PDXDC1: variants seen among roughly 807,000 people sequenced by gnomAD.
PDXDC1 encodes the protein pyridoxal-dependent decarboxylase domain-containing protein 1.
A neutral mutation model predicts 100.1 loss-of-function variants in PDXDC1; 42 were observed. The ratio of observed to expected loss-of-function variants is 0.42; its 90% CI spans 0.33 to 0.54. The LOEUF is 0.54. PDXDC1 is among the 20% of genes least tolerant of loss of function. The pLI is 0.10. For synonymous variants in PDXDC1, 260 were observed against 371.7 expected (o/e 0.70, Z 3.46); for missense variants, 636 against 979.2 (o/e 0.65, Z 4.68).
At chr16:15,141,913 C>A (rs1176078726), downstream of PDXDC1, among the ~76,000 whole-genome samples, 1 of 152,184 alleles carries the variant, frequency 6.6e-6, no homozygotes, top group Non-Finnish European at 1.5e-5. Context: ...TTTTCAGCGG[C>A]TGCGGCGGCA....
downstream of PDXDC1, among the ~76,000 whole-genome samples, chr16:15,142,521 G>A (rs570149938): frequency 8.8e-4 from 133 of 151,972 alleles, no homozygotes; most frequent in African/African-American, 2.9e-3. Flanking sequence ...CCCAGGGTGT[G>A]GAAGCGTCTG....
chr16:15,060,220 A>G (rs911694391), intron 16 of PDXDC1: 1 of 373,066 alleles, frequency 2.7e-6, no homozygotes, highest in East Asian at 8.6e-5. Context: ...ATTTCTGGGG[A>G]ATTTCGTTTA....
downstream of PDXDC1, among the ~76,000 whole-genome samples, chr16:15,142,087 C>T (rs1391917478): frequency 6.6e-6 from 1 of 152,140 alleles, no homozygotes; most frequent in Non-Finnish European, 1.5e-5. Flanking sequence ...GGGAGCAGCT[C>T]CCACCCAGGC....
Position 15,038,073 on chromosome 16 carries a change from A to T in PDXDC1, c.*1798A>T, listed in dbSNP as rs778222638. 23 of 1,603,252 alleles carry T rather than the reference A, an allele frequency of 1.4e-5. No individual in the cohort carries two copies. Among genetic ancestry groups the T allele is most frequent in the African/African-American group, 6.7e-5 (5 of 74,576 alleles). ...AGATCTTTTCCCACAAGCCATCTTC[A>T]TTTTTTTTGTAGAGTAGGGCTTTAT... On this transcript the variant is annotated 3_prime_UTR_variant, in exon 23 of 23. Transcript: ENST00000396410.
chr16:14,983,572 C>CAAAAAAAA (rs56258905), intron 1 of PDXDC1, among the ~76,000 whole-genome samples: 1 of 88,408 alleles, frequency 1.1e-5, no homozygotes, highest in Non-Finnish European at 1.9e-5. Context: ...GACTCCGTCT[C>CAAAAAAAA]AAAAAAAAAA....
At chr16:15,035,890 C>T (rs1047386058) in intron 22 of PDXDC1, 126 bp from the exon 23 acceptor site, 4 of 1,033,566 alleles carry the variant, frequency 3.9e-6, no homozygotes, top group Non-Finnish European at 5.7e-6. Flanking sequence ...TAAAACACCT[C>T]AGAGCCAGTA....
At chr16:15,038,421 T>A, downstream of PDXDC1, 1 of 623,810 alleles carries the variant, frequency 1.6e-6, no homozygotes, top group Non-Finnish European at 2.8e-6. Context: ...CCCCATTTGA[T>A]ATACAAGTTA....
At chr16:14,993,678 A>T (rs901177684) in intron 1 of PDXDC1, among the ~76,000 whole-genome samples, 3 of 152,302 alleles carry the variant, frequency 2.0e-5, no homozygotes, top group Admixed American at 1.3e-4. Flanking sequence ...TGGCTGGATC[A>T]AATGGTATTT....
chr16:15,060,919 G>A (rs1484081524), intron 16 of PDXDC1: 1 of 152,210 alleles, frequency 6.6e-6, no homozygotes. Flanking sequence ...AGATCTAAGG[G>A]GACACTTGAG....
chr16:15,143,784 C>A (rs902397153), downstream of PDXDC1, among the ~76,000 whole-genome samples: 1 of 152,224 alleles, frequency 6.6e-6, no homozygotes, highest in Non-Finnish European at 1.5e-5. Context: ...ACCAGACCTG[C>A]CTCAGAGCCT....
chr16:15,001,715 G>A (rs1464806394), intron 3 of PDXDC1, 61 bp from the exon 4 acceptor site: 83 of 1,433,142 alleles, frequency 5.8e-5, no homozygotes, highest in Middle Eastern at 2.5e-4. Context: ...GGGAAGTAGC[G>A]GGAGAGTGGC....
chr16:15,000,205 CATCTG>C (rs1464726005), intron 3 of PDXDC1, among the ~76,000 whole-genome samples: 2 of 152,300 alleles, frequency 1.3e-5, no homozygotes, highest in Admixed American at 1.3e-4. Context: ...CTCCCAGCAG[CATCTG>C]TAATTCTCAG....
At chr16:15,005,084 C>A (rs545032210) in intron 5 of PDXDC1, among the ~76,000 whole-genome samples, 213 of 152,326 alleles carry the variant, frequency 1.4e-3, no homozygotes, top group Non-Finnish European at 2.5e-3. Context: ...TGAGGCCAGG[C>A]ACGGTGGCTC....
chr16:15,135,927 G>A lies in PDXDC1; in HGVS notation c.1400-2952G>A, dbSNP rs2966136. ...AGCCGCGGCAGCACCAGCTGAGGCCGGCTCACGTCCACGCCGGGCAGGGCC... is the reference window on the plus strand; with the variant it reads ...AGCCGCGGCAGCACCAGCTGAGGCCAGCTCACGTCCACGCCGGGCAGGGCC... On this transcript the variant is annotated intron_variant, in intron 16 of 16. Transcript: ENST00000535621. 7,529 of 1,581,508 alleles carry A rather than the reference G, an allele frequency of 4.8e-3. 27 individuals carry two copies. The highest frequency in any genetic ancestry group is 5.9e-3 in the Non-Finnish European group (6,858 of 1,162,932).
intron 8 of PDXDC1, among the ~76,000 whole-genome samples, chr16:15,011,987 C>T (rs1346961265): frequency 6.6e-6 from 1 of 152,272 alleles, no homozygotes; most frequent in Non-Finnish European, 1.5e-5. Context: ...GTCCTGTCTT[C>T]TTTTAAAATT....
At chr16:14,976,431 G>A (rs1199895530) in intron 1 of PDXDC1, among the ~76,000 whole-genome samples, 14 of 152,292 alleles carry the variant, frequency 9.2e-5, no homozygotes, top group Non-Finnish European at 1.3e-4. Context: ...GCTCACAGTG[G>A]TATAGCCTAC....
chr16:15,146,477 G>A, the PDXDC1 span, among the ~76,000 whole-genome samples: 4 of 152,038 alleles, frequency 2.6e-5, no homozygotes, highest in Non-Finnish European at 4.4e-5. Flanking sequence ...TCCCAGCCCC[G>A]CACGTCTCAC....
At chr16:15,062,633 G>C (rs1597863269) in intron 16 of PDXDC1, among the ~76,000 whole-genome samples, 1 of 152,302 alleles carries the variant, frequency 6.6e-6, no homozygotes, top group Non-Finnish European at 1.5e-5. Flanking sequence ...AATGTAAACT[G>C]CTGGGGCAAT....
At chr16:15,068,270 C>A (rs564073678) in intron 16 of PDXDC1, 27 of 1,564,616 alleles carry the variant, frequency 1.7e-5, no homozygotes, top group Non-Finnish European at 2.2e-5. Context: ...TCTGAAGATA[C>A]TGCAAACCTT....
Sources: allele counts gnomAD v4.1 joint callset (sites outside exome capture counted in the v4.1 genomes callset), GRCh38; gene constraint gnomAD v4.1.1; transcripts MANE v1.5; gene names NCBI Gene and HGNC (gene_info 2026-07-23, HGNC 2026-07-21).